The following CDCP1 variants were observed in gnomAD, a reference collection of about 807,000 sequenced individuals.
The protein encoded by CDCP1 is CUB domain-containing protein 1.
CDCP1 carries 29 observed loss-of-function variants against 60.2 expected under a neutral mutation model. That is an observed-to-expected ratio of 0.48 (90% CI 0.36 to 0.66). CDCP1 has a LOEUF of 0.66. Ranked by LOEUF, CDCP1 falls within the 30% of genes least tolerant of loss-of-function variation. The probability of loss-of-function intolerance (pLI) is 0.00; values close to 1 mark genes in which losing one functional copy is unlikely to be tolerated. For synonymous variants in CDCP1, 387 were observed against 431.1 expected (o/e 0.90, Z 1.27); for missense variants, 876 against 1,074.3 (o/e 0.82, Z 2.58).
chr3:45,112,071 G>A lies in CDCP1; in HGVS notation c.655+12C>T, dbSNP rs768609959. On this transcript the variant is annotated intron_variant, in intron 3 of 8. Transcript: ENST00000296129. ...TTTAACCTAATCAGATAGCAGGGAG[G>A]GGCTTTCTCACGTTTTATAGATGAG... is the stretch of plus-strand genomic sequence containing the variant. 11 of 1,609,122 alleles carry A rather than the reference G, an allele frequency of 6.8e-6. No individual in the cohort carries two copies. The highest frequency in any genetic ancestry group is 1.6e-4 in the Middle Eastern group (1 of 6,070).
At chr3:45,124,839 A>G (rs1698949522) in intron 1 of CDCP1, among the ~76,000 whole-genome samples, 1 of 152,132 alleles carries the variant, frequency 6.6e-6, no homozygotes, top group Non-Finnish European at 1.5e-5. Flanking sequence ...ACCCTACCTC[A>G]TATCCACCCC....
intron 1 of CDCP1, among the ~76,000 whole-genome samples, chr3:45,130,874 T>C (rs1356315493): frequency 6.6e-6 from 1 of 152,146 alleles, no homozygotes; most frequent in African/African-American, 2.4e-5. Context: ...CTTCATTTTT[T>C]TTTTCTTTCA....
chr3:45,117,439 A>G (rs973489934), intron 2 of CDCP1, among the ~76,000 whole-genome samples: 1 of 152,178 alleles, frequency 6.6e-6, no homozygotes, highest in Non-Finnish European at 1.5e-5. Flanking sequence ...AAACTAAGGC[A>G]TTACGCAGTT....
chr3:45,093,554 C>A lies in CDCP1; in HGVS notation c.1350G>T (p.Leu450=), dbSNP rs201179393. The change falls in exon 6 of 9, where the codon CTG becomes CTT. Residue 450 remains leucine, a synonymous_variant. Transcript: ENST00000296129. ...PVELHDFSWK[L]LVPKDRLSLV... ...GGCTGAGCCTGTCCTTGGGCACCAG[C>A]AGCTTCCAGGAGAAGTCATGCAGCT... is the stretch of plus-strand genomic sequence containing the variant. 1.3e-5 allele frequency: 21 copies of A among 1,614,232 alleles called. No homozygotes were observed. In the East Asian group the frequency reaches 4.2e-4, roughly 33 times the overall value.
intron 1 of CDCP1, among the ~76,000 whole-genome samples, chr3:45,127,683 T>C (rs1248122567): frequency 6.6e-6 from 1 of 152,180 alleles, no homozygotes; most frequent in African/African-American, 2.4e-5. Flanking sequence ...ATCCACTGGT[T>C]TGGAAGTCAA....
chr3:45,146,397 C>G, upstream of CDCP1: 1 of 901,018 alleles, frequency 1.1e-6, no homozygotes. Context: ...CACCTGCGCG[C>G]GGGCGGACCG....
At chr3:45,094,075 C>T (rs962352266) in intron 5 of CDCP1, among the ~76,000 whole-genome samples, 1 of 152,114 alleles carries the variant, frequency 6.6e-6, no homozygotes, top group African/African-American at 2.4e-5. Context: ...GTTAGTTCGT[C>T]TTCTGGCTCT....
At chr3:45,140,805 A>G (rs938655282) in intron 1 of CDCP1, among the ~76,000 whole-genome samples, 1 of 152,228 alleles carries the variant, frequency 6.6e-6, no homozygotes, top group Admixed American at 6.5e-5. Context: ...GCCAAGGTCT[A>G]TTTCAGAAAT....
chr3:45,117,005 C>T (rs911042992), intron 2 of CDCP1, among the ~76,000 whole-genome samples: 3 of 152,052 alleles, frequency 2.0e-5, no homozygotes, highest in Non-Finnish European at 4.4e-5. Flanking sequence ...TTCCATGAGA[C>T]TAGTCAGGGA....
At position 45,085,642 on chromosome 3, in the gene CDCP1, T is replaced by G. The variant is rs1299622762; in HGVS notation, c.2507A>C (p.Glu836Ala). 1 of 1,609,956 alleles carries G rather than the reference T, an allele frequency of 6.2e-7. No homozygotes were observed. Among genetic ancestry groups the G allele is most frequent in the Non-Finnish European group, 8.5e-7 (1 of 1,177,102 alleles). ...AAGCGTCTGGAATGGATCAAGTTAT[T>G]CTGCTGGCTCCATGGGCTCCTGAGT... ...LNTQEPMEPA[E>A] The change falls in exon 9 of 9, where the codon GAA (glutamate) becomes GCA (alanine). Residue 836 changes from glutamate (E) to alanine (A), a missense_variant. Around this residue, in one of 2 missense-constraint regions of CDCP1, gnomAD observed 726 missense variants for 935.7 expected, o/e 0.78. Coordinates refer to ENST00000296129, the MANE Select transcript of CDCP1 (RefSeq NM_022842.5). This position sits in a 1 kb window ranked among gnomAD's most constrained non-coding sequence, Gnocchi z 4.2.
chr3:45,097,176 G>A (rs1698414344), intron 4 of CDCP1, among the ~76,000 whole-genome samples: 1 of 151,628 alleles, frequency 6.6e-6, no homozygotes, highest in Admixed American at 6.6e-5. Flanking sequence ...GCATGGTGGT[G>A]GGCGCCTGTA....
Position 45,085,920 on chromosome 3 carries a change from A to G in CDCP1, c.2229T>C (p.Tyr743=), listed in dbSNP as rs1698183698. The change falls in exon 9 of 9, where the codon TAT becomes TAC. Residue 743 remains tyrosine (Y), a synonymous_variant. Transcript: ENST00000296129. This position sits in a 1 kb window ranked among gnomAD's most constrained non-coding sequence, Gnocchi z 4.2. ...CGCTGGAATCCTGTAGCAGATGCCCATATACCATGGTGTCCTCGATGACTG... is the reference window on the plus strand; with the variant it reads ...CGCTGGAATCCTGTAGCAGATGCCCGTATACCATGGTGTCCTCGATGACTG... ...VYAVIEDTMV[Y]GHLLQDSSGS... The G allele has an allele frequency of 1.2e-6, 2 of 1,614,116 alleles. No individual in the cohort carries two copies. Among genetic ancestry groups the G allele is most frequent in the Non-Finnish European group, 8.5e-7 (1 of 1,180,056 alleles).
At chr3:45,130,540 T>C (rs1006628554) in intron 1 of CDCP1, among the ~76,000 whole-genome samples, 1 of 152,144 alleles carries the variant, frequency 6.6e-6, no homozygotes, top group Non-Finnish European at 1.5e-5. Context: ...TCTGAGTCGA[T>C]CTTTGTGCCT....
intron 1 of CDCP1, among the ~76,000 whole-genome samples, chr3:45,141,998 A>G (rs1387169066): frequency 1.3e-5 from 2 of 151,918 alleles, no homozygotes; most frequent in African/African-American, 4.8e-5. Flanking sequence ...TGTTTGGCTA[A>G]TTTTTGTATT....
intron 3 of CDCP1, 44 bp downstream of exon 3, chr3:45,112,039 T>C: frequency 6.3e-7 from 1 of 1,585,402 alleles, no homozygotes. Flanking sequence ...ATGATGATCT[T>C]GTGTGTTTTA....
chr3:45,088,978 T>A, intron 8 of CDCP1, 76 bp downstream of exon 8: 1 of 1,176,502 alleles, frequency 8.5e-7, no homozygotes, highest in Non-Finnish European at 1.3e-6. Context: ...ACAAAGTCAA[T>A]AATGAACAAT....
At chr3:45,090,971 T>C (rs112716142) in intron 7 of CDCP1, among the ~76,000 whole-genome samples, 7 of 152,274 alleles carry the variant, frequency 4.6e-5, no homozygotes, top group African/African-American at 1.2e-4. Flanking sequence ...CCAGCCAACG[T>C]TGGAGCAATA....
Position 45,118,527 on chromosome 3 carries a change from G to A in CDCP1, c.177C>T (p.Val59=). The change falls in exon 2 of 9, where the codon GTC becomes GTT. Residue 59 remains valine, a synonymous_variant. Coordinates refer to ENST00000296129, the MANE Select transcript of CDCP1 (RefSeq NM_022842.5). The stretch of plus-strand genomic sequence containing the variant: ...ACATGGTTATATGTCTTTTAGAAAT[G>A]ACGATGTAACAGGGTTTTGCCAGCA... ...PTLLAKPCYI[V]ISKRHITMLS... 6.2e-7 allele frequency: 1 copy of A among 1,614,124 alleles called. No individual in the cohort carries two copies. The highest frequency in any genetic ancestry group is 8.5e-7 in the Non-Finnish European group (1 of 1,179,960).
intron 5 of CDCP1, 101 bp downstream of exon 5, chr3:45,095,246 T>C: frequency 1.8e-6 from 2 of 1,096,392 alleles, no homozygotes; most frequent in African/African-American, 1.6e-5. Flanking sequence ...ATGGGCCTTT[T>C]TGATATGATT....
Sources: allele counts gnomAD v4.1 joint callset (sites outside exome capture counted in the v4.1 genomes callset), GRCh38; gene constraint gnomAD v4.1.1; regional missense constraint gnomAD v4.1.1; non-coding constraint Gnocchi (gnomAD v3.1); transcripts MANE v1.5; gene names NCBI Gene and HGNC (gene_info 2026-07-23, HGNC 2026-07-21).